The following CIMAP1C variants were observed in gnomAD, a reference collection of about 807,000 sequenced individuals.
The protein encoded by CIMAP1C is ciliary microtubule associated protein 1C.
chr15:75,727,402 GGACCTCAC>G, the CIMAP1C span: 1 of 1,613,982 alleles, frequency 6.2e-7, no homozygotes, highest in Non-Finnish European at 8.5e-7. Flanking sequence ...CCTACCCTCT[GGACCTCAC>G]GCCACGGCCT....
chr15:75,727,023 C>T, the CIMAP1C span: 1,059 of 1,591,142 alleles, frequency 6.7e-4, 10 homozygotes, highest in South Asian at 0.011. Flanking sequence ...CTGTTCCCTG[C>T]TCTGAGAGCC....
At chr15:75,726,013 G>T in the CIMAP1C span, 1 of 1,343,758 alleles carries the variant, frequency 7.4e-7, no homozygotes, top group Non-Finnish European at 1.1e-6. Flanking sequence ...GCTCAGTGGG[G>T]CAGCCTTTGG....
the CIMAP1C span, chr15:75,724,264 T>A: frequency 6.2e-7 from 1 of 1,614,154 alleles, no homozygotes; most frequent in South Asian, 1.1e-5. Flanking sequence ...AAGGAGCCAT[T>A]GCCCTCAAGG....
At chr15:75,727,262 G>A in the CIMAP1C span, 2 of 1,614,184 alleles carry the variant, frequency 1.2e-6, no homozygotes, top group Non-Finnish European at 1.7e-6. Context: ...CTACAGTCTG[G>A]CCTCCAGGGA....
chr15:75,726,422 T>C, the CIMAP1C span, among the ~76,000 whole-genome samples: 1 of 152,184 alleles, frequency 6.6e-6, no homozygotes, highest in Non-Finnish European at 1.5e-5. Flanking sequence ...AATATTGTCA[T>C]GCGAACGAGC....
At chr15:75,725,142 C>T in the CIMAP1C span, 27 of 1,613,904 alleles carry the variant, frequency 1.7e-5, no homozygotes, top group Non-Finnish European at 2.2e-5. Context: ...GGCCATCCTG[C>T]ACGGGCTACA....
the CIMAP1C span, chr15:75,725,285 A>G: frequency 5.1e-5 from 61 of 1,199,264 alleles, no homozygotes; most frequent in Middle Eastern, 5.7e-4. Flanking sequence ...GGGGAGAGAC[A>G]TGGAGCCATT....
chr15:75,726,128 C>T, the CIMAP1C span: 5 of 1,613,684 alleles, frequency 3.1e-6, no homozygotes, highest in Non-Finnish European at 4.2e-6. Context: ...TTGGAATGTC[C>T]AGCTGCCCGC....
chr15:75,727,230 CT>C, the CIMAP1C span: 11 of 1,614,058 alleles, frequency 6.8e-6, no homozygotes, highest in Non-Finnish European at 9.3e-6. Flanking sequence ...CCCAACACCC[CT>C]GTCAGCCGAG....
chr15:75,727,417 G>A, the CIMAP1C span: 1 of 1,613,892 alleles, frequency 6.2e-7, no homozygotes. Context: ...TCACGCCACG[G>A]CCTGGCCCCG....
chr15:75,726,289 G>A, the CIMAP1C span: 7 of 653,922 alleles, frequency 1.1e-5, no homozygotes, highest in Admixed American at 2.5e-5. Context: ...TCTGGATGCC[G>A]GTATCTCCCT....
At chr15:75,725,185 G>A in the CIMAP1C span, 67 of 1,613,840 alleles carry the variant, frequency 4.2e-5, no homozygotes, top group Non-Finnish European at 5.6e-5. Context: ...CAAGGCACCA[G>A]CTTATACCCT....
At chr15:75,724,188 C>A in the CIMAP1C span, 1 of 1,589,946 alleles carries the variant, frequency 6.3e-7, no homozygotes, top group Non-Finnish European at 8.6e-7. Context: ...TGCTCCCTGC[C>A]CAGCCCCAGC....
At chr15:75,724,421 A>C in the CIMAP1C span, 1 of 772,844 alleles carries the variant, frequency 1.3e-6, no homozygotes, top group Non-Finnish European at 2.3e-6. Flanking sequence ...GAAGCCTTAC[A>C]GAAGACCTGA....
At chr15:75,725,019 C>G in the CIMAP1C span, 236 of 824,678 alleles carry the variant, frequency 2.9e-4, 4 homozygotes, top group South Asian at 2.2e-3. Context: ...ACAAATACCC[C>G]CAATGTTCCC....
At chr15:75,727,285 C>T in the CIMAP1C span, 4 of 1,614,200 alleles carry the variant, frequency 2.5e-6, no homozygotes, top group Non-Finnish European at 3.4e-6. Context: ...AGAACTGGTT[C>T]TACAAGGAGG....
chr15:75,727,323 C>T, the CIMAP1C span: 39 of 1,614,028 alleles, frequency 2.4e-5, 1 homozygote, highest in Middle Eastern at 1.6e-4. Context: ...GGACCTACCA[C>T]GTACGCCCGA....
At chr15:75,725,331 G>T in the CIMAP1C span, 2 of 853,720 alleles carry the variant, frequency 2.3e-6, no homozygotes, top group Non-Finnish European at 3.8e-6. Flanking sequence ...CACTCAAGGG[G>T]CCCCCTGGGT....
chr15:75,725,323 C>T, the CIMAP1C span: 1 of 921,220 alleles, frequency 1.1e-6, no homozygotes, highest in African/African-American at 1.6e-5. Context: ...ATCTGAGACA[C>T]TCAAGGGGCC....
Sources: allele counts gnomAD v4.1 joint callset (sites outside exome capture counted in the v4.1 genomes callset), GRCh38; gene constraint gnomAD v4.1.1; transcripts MANE v1.5; gene names NCBI Gene and HGNC (gene_info 2026-07-23, HGNC 2026-07-21).